STPG2: variants seen among roughly 807,000 people sequenced by gnomAD.
STPG2 encodes the protein sperm tail PG-rich repeat containing 2, also known as sperm-tail PG-rich repeat-containing protein 2.
STPG2 carries 56 observed loss-of-function variants against 54.2 expected under a neutral mutation model. That is an observed-to-expected ratio of 1.03 (90% CI 0.83 to 1.29). STPG2 has a LOEUF of 1.29. STPG2 is among the 50% of genes most tolerant of loss of function. The pLI, the probability that STPG2 is intolerant of heterozygous loss-of-function variation, is 0.00. For synonymous variants in STPG2, 200 were observed against 181.8 expected (o/e 1.10, Z -0.81); for missense variants, 596 against 544.9 (o/e 1.09, Z -0.93).
At position 97,977,456 on chromosome 4, in the gene STPG2, C is replaced by T. The variant is rs372331476; in HGVS notation, c.772+3703G>A. ...TTGAATAGCTATTCTAGCCTTTGCA[C>T]CTGAATAAACTCTCTTAAACTGGAT... On this transcript the variant is annotated intron_variant, in intron 6 of 10. Transcript: ENST00000295268. Among the ~76,000 whole-genome samples, 11 of 152,234 alleles carry T rather than the reference C, an allele frequency of 7.2e-5. No homozygotes were observed. In the East Asian group the frequency reaches 1.5e-3, roughly 21 times the overall value.
At chr4:97,791,260 A>G (rs566595422) in intron 9 of STPG2, among the ~76,000 whole-genome samples, 7 of 152,142 alleles carry the variant, frequency 4.6e-5, no homozygotes, top group African/African-American at 1.7e-4. Context: ...AATTGTTACA[A>G]TCTCTGAAAG....
chr4:97,924,533 A>G (rs550579239), intron 8 of STPG2, among the ~76,000 whole-genome samples: 2 of 152,318 alleles, frequency 1.3e-5, no homozygotes, highest in Admixed American at 6.5e-5. Context: ...ATATTTCTAC[A>G]TGTAAATCCA....
intron 8 of STPG2, among the ~76,000 whole-genome samples, chr4:97,919,405 A>G (rs992170265): frequency 6.6e-6 from 1 of 151,520 alleles, no homozygotes; most frequent in Non-Finnish European, 1.5e-5. Flanking sequence ...TAAAAAGAGT[A>G]TAAATATTGA....
At chr4:97,952,387 G>C (rs1464233327) in intron 7 of STPG2, among the ~76,000 whole-genome samples, 1 of 152,140 alleles carries the variant, frequency 6.6e-6, no homozygotes, top group Non-Finnish European at 1.5e-5. Flanking sequence ...CTGTGCCTCT[G>C]AAGAAAGAAA....
intron 7 of STPG2, among the ~76,000 whole-genome samples, chr4:97,951,632 C>T (rs1443967708): frequency 6.6e-6 from 1 of 151,930 alleles, no homozygotes; most frequent in Non-Finnish European, 1.5e-5. Context: ...GCATGATAAC[C>T]TTCTCAGATG....
intron 9 of STPG2, among the ~76,000 whole-genome samples, chr4:97,784,614 T>C (rs955703574): frequency 2.4e-4 from 37 of 152,200 alleles, no homozygotes; most frequent in African/African-American, 8.2e-4. Context: ...TATAGTTCTA[T>C]ATTGAATCAG....
At chr4:98,014,764 T>A (rs1422663856) in intron 5 of STPG2, among the ~76,000 whole-genome samples, 2 of 152,180 alleles carry the variant, frequency 1.3e-5, no homozygotes, top group East Asian at 1.9e-4. Flanking sequence ...TTTGATGAAA[T>A]CCCTCTAGTG....
chr4:98,117,501 A>G (rs894537754), intron 3 of STPG2, among the ~76,000 whole-genome samples: 1 of 151,840 alleles, frequency 6.6e-6, no homozygotes, highest in African/African-American at 2.4e-5. Context: ...TTCTTCAAAT[A>G]TTCTCTTTTC....
In STPG2 at chr4:98,088,672, G is replaced by GAA. The variant is rs61146705; in HGVS notation, c.612+17279_612+17280dup. 4.5e-3 allele frequency among the ~76,000 whole-genome samples: 566 copies of GAA among 125,352 alleles called. 1 individual carries two copies. Among genetic ancestry groups the GAA allele is most frequent in the South Asian group, 0.026 (99 of 3,828 alleles). 82.2% of individuals were successfully genotyped at this position (125,352 alleles called of 152,430 possible). A position where few individuals can be genotyped will look rare whatever the true frequency, so the allele number is the denominator to read the frequency against. ...GGACTATAAAATCTCTCCTTTAGGGGAAAAAAAAAAAAAAAAAAAACTCTA... is the reference window on the plus strand; with the variant it reads ...GGACTATAAAATCTCTCCTTTAGGGGAAAAAAAAAAAAAAAAAAAAAACTCTA... On this transcript the variant is annotated intron_variant, in intron 5 of 10. Transcript: ENST00000295268.
intron 4 of STPG2, among the ~76,000 whole-genome samples, chr4:97,505,541 A>G (rs1388662038): frequency 6.6e-6 from 1 of 152,014 alleles, no homozygotes; most frequent in Non-Finnish European, 1.5e-5. Flanking sequence ...ATGCTGGAGA[A>G]TGCAAAGTTC....
chr4:97,639,009 GA>G (rs1445670138), intron 10 of STPG2, among the ~76,000 whole-genome samples: 1 of 151,852 alleles, frequency 6.6e-6, no homozygotes, highest in Non-Finnish European at 1.5e-5. Flanking sequence ...ATACCCAAAG[GA>G]CTATAAATCA....
At chr4:97,449,495 C>T (rs1244437638) in intron 4 of STPG2, among the ~76,000 whole-genome samples, 3 of 152,112 alleles carry the variant, frequency 2.0e-5, no homozygotes, top group African/African-American at 4.8e-5. Flanking sequence ...ATTTCCATTG[C>T]TGTGAGGAAT....
At chr4:97,657,444 G>A (rs1722247701) in intron 10 of STPG2, among the ~76,000 whole-genome samples, 1 of 152,054 alleles carries the variant, frequency 6.6e-6, no homozygotes, top group African/African-American at 2.4e-5. Context: ...ATTAAGGCAG[G>A]ATGACATAAA....
chr4:97,726,217 T>A (rs938100311), intron 9 of STPG2, among the ~76,000 whole-genome samples: 3 of 151,948 alleles, frequency 2.0e-5, no homozygotes, highest in Admixed American at 6.6e-5. Flanking sequence ...ATTTGTATGA[T>A]ATTGTACTCA....
chr4:97,594,433 C>T (rs1292965023), intron 10 of STPG2, among the ~76,000 whole-genome samples: 1 of 151,986 alleles, frequency 6.6e-6, no homozygotes, highest in Non-Finnish European at 1.5e-5. Context: ...CCACAATAGC[C>T]AAACAAAAAT....
At position 98,021,723 on chromosome 4, in the gene STPG2, T is replaced by TAAA. The variant is rs1385997949; in HGVS notation, c.613-40406_613-40405insTTT. 2.0e-5 allele frequency among the ~76,000 whole-genome samples: 3 copies of TAAA among 152,060 alleles called. No individual in the cohort carries two copies. The East Asian group carries it at 5.8e-4, about 29-fold the overall frequency. Reference sequence around the variant, plus strand: ...CTCCTGTATTGGGTGCATATATATTTAGGATAGTTAGCTCTTCTTGTTGAA... The same window carrying TAAA: ...CTCCTGTATTGGGTGCATATATATTTAAAAGGATAGTTAGCTCTTCTTGTTGAA... On this transcript the variant is annotated intron_variant, in intron 5 of 10. Transcript: ENST00000295268.
At chr4:97,939,490 G>C (rs1196449515) in intron 8 of STPG2, among the ~76,000 whole-genome samples, 1 of 152,126 alleles carries the variant, frequency 6.6e-6, no homozygotes, top group Non-Finnish European at 1.5e-5. Context: ...TCTCTTTGTT[G>C]GGTGCATATA....
At chr4:97,877,342 A>G (rs1183375389) in intron 8 of STPG2, among the ~76,000 whole-genome samples, 1 of 152,192 alleles carries the variant, frequency 6.6e-6, no homozygotes, top group African/African-American at 2.4e-5. Context: ...ATATGGGCAA[A>G]GGACATGAAC....
chr4:97,463,943 C>T (rs1043364109), intron 4 of STPG2, among the ~76,000 whole-genome samples: 4 of 152,192 alleles, frequency 2.6e-5, no homozygotes, highest in East Asian at 1.9e-4. Flanking sequence ...GGCTTTATAC[C>T]GCACTCCTTT....
Sources: allele counts gnomAD v4.1 joint callset (sites outside exome capture counted in the v4.1 genomes callset), GRCh38; gene constraint gnomAD v4.1.1; transcripts MANE v1.5; gene names NCBI Gene and HGNC (gene_info 2026-07-23, HGNC 2026-07-21).